Variants in UBXN7 observed in about 807,000 individuals in gnomAD.
The protein encoded by UBXN7 is UBX domain protein 7.
Under a neutral mutation model 58.0 loss-of-function variants are expected in UBXN7, and 9 were observed. The observed-to-expected ratio is 0.16, with a 90% CI of 0.09 to 0.27. The LOEUF (loss-of-function observed/expected upper bound fraction) is 0.27. UBXN7 is among the 10% of genes least tolerant of loss of function. UBXN7 has a pLI of 1.00. For synonymous variants in UBXN7, 208 were observed against 205.0 expected (o/e 1.01, Z -0.12); for missense variants, 328 against 599.6 (o/e 0.55, Z 4.73).
chr3:196,431,899 G>GA, intron 1 of UBXN7: 2 of 356,660 alleles, frequency 5.6e-6, no homozygotes, highest in Non-Finnish European at 1.1e-5. Flanking sequence ...CCTGGCCGGG[G>GA]AAGAAAGGAA....
In UBXN7 at chr3:196,432,410, C is replaced by T. The variant is rs919164534; in HGVS notation, c.-11G>A. The T allele has an allele frequency of 4.2e-5, 66 of 1,583,452 alleles. No individual in the cohort carries two copies. Among genetic ancestry groups the T allele is most frequent in the Non-Finnish European group, 5.6e-5 (65 of 1,161,206 alleles). ...CCCGTGGGCAGCCATCTTACCGCCG[C>T]CGCCGCCGCCGAACAACAACACAGA... On this transcript the variant is annotated 5_prime_UTR_variant, in exon 1 of 11. Coordinates refer to ENST00000296328, the MANE Select transcript of UBXN7 (RefSeq NM_015562.2).
chr3:196,371,413 A>G (rs1190449581), intron 6 of UBXN7, among the ~76,000 whole-genome samples: 4 of 152,218 alleles, frequency 2.6e-5, no homozygotes, highest in African/African-American at 9.6e-5. Context: ...ATCTTTTTTA[A>G]TGTGGCTACT....
chr3:196,372,453 C>T (rs889835191), intron 5 of UBXN7, among the ~76,000 whole-genome samples: 2 of 150,798 alleles, frequency 1.3e-5, no homozygotes, highest in South Asian at 2.1e-4. Context: ...GTGATTCTCC[C>T]GCCGCAGCCT....
chr3:196,400,282 G>A (rs1729918526), intron 3 of UBXN7: 1 of 151,940 alleles, frequency 6.6e-6, no homozygotes. Flanking sequence ...GGGAATATTA[G>A]GGACCTGAGC....
intron 4 of UBXN7, 123 bp downstream of exon 4, chr3:196,393,431 A>G (rs1235017251): frequency 2.3e-6 from 2 of 881,514 alleles, no homozygotes; most frequent in Non-Finnish European, 3.4e-6. Flanking sequence ...CACATTCTGG[A>G]TCCATAATTT....
chr3:196,413,503 G>A (rs560154563), intron 1 of UBXN7, among the ~76,000 whole-genome samples: 7 of 152,228 alleles, frequency 4.6e-5, no homozygotes, highest in African/African-American at 1.7e-4. Context: ...CAGAACCAGG[G>A]AGGTTTTTCC....
chr3:196,409,174 ATC>A (rs1380822741), intron 1 of UBXN7, among the ~76,000 whole-genome samples: 3 of 152,048 alleles, frequency 2.0e-5, no homozygotes, highest in Admixed American at 1.3e-4. Context: ...AGCTGTGCCA[ATC>A]TGTTTCTTCA....
intron 5 of UBXN7, among the ~76,000 whole-genome samples, chr3:196,378,540 C>T (rs916125551): frequency 6.6e-6 from 1 of 152,196 alleles, no homozygotes; most frequent in African/African-American, 2.4e-5. Context: ...ATGTTTATTT[C>T]TTGCTTATAT....
In UBXN7 at chr3:196,417,318, TAAATAAATAAATC is replaced by T. The variant is rs556093348; in HGVS notation, c.74-9938_74-9926del. Among the ~76,000 whole-genome samples the T allele has an allele frequency of 2.5e-3, 386 of 152,038 alleles. 1 individual carries two copies. Among genetic ancestry groups the T allele is most frequent in the Non-Finnish European group, 4.2e-3 (284 of 67,964 alleles). ...CAGAGCGAGACTCCATCTCGAAAAC[TAAATAAATAAATC>T]AAATAAATAAATAAATGTATAAAAA... On this transcript the variant is annotated intron_variant, in intron 1 of 10. Coordinates refer to ENST00000296328, the MANE Select transcript of UBXN7 (RefSeq NM_015562.2).
Position 196,369,425 on chromosome 3 carries a change from C to A in UBXN7, c.702G>T (p.Arg234=). ...GCGTGCTGATATAAATCTTACCTGTCCGTGGGTCCAATATGGAAACATAGG... is the reference window on the plus strand; with the variant it reads ...GCGTGCTGATATAAATCTTACCTGTACGTGGGTCCAATATGGAAACATAGG... ...DFPYVSILDP[R]TGQKLVEWHQ... Residue 234 remains arginine (R), a synonymous_variant, in exon 7 of 11, where the codon CGG becomes CGT. Transcript: ENST00000296328. The A allele has an allele frequency of 6.2e-7, 1 of 1,610,300 alleles. No homozygotes were observed. The highest frequency in any genetic ancestry group is 8.5e-7 in the Non-Finnish European group (1 of 1,177,224).
chr3:196,419,140 G>A (rs1253093530), intron 1 of UBXN7, among the ~76,000 whole-genome samples: 3 of 152,066 alleles, frequency 2.0e-5, no homozygotes, highest in Non-Finnish European at 2.9e-5. Context: ...GGTGGCGGGC[G>A]TCCACCTACT....
intron 3 of UBXN7, among the ~76,000 whole-genome samples, chr3:196,401,401 TAA>T (rs1729979554): frequency 6.8e-6 from 1 of 148,052 alleles, no homozygotes; most frequent in Non-Finnish European, 1.5e-5. Context: ...AACTCTCAAC[TAA>T]AGTACTTTAT....
chr3:196,415,652 C>T (rs915625275), intron 1 of UBXN7, among the ~76,000 whole-genome samples: 5 of 151,602 alleles, frequency 3.3e-5, no homozygotes, highest in South Asian at 2.1e-4. Flanking sequence ...CATGGTGGCG[C>T]GTGCCTGTAA....
At chr3:196,377,557 G>A (rs2108837293) in intron 5 of UBXN7, among the ~76,000 whole-genome samples, 1 of 152,240 alleles carries the variant, frequency 6.6e-6, no homozygotes, top group South Asian at 2.1e-4. Flanking sequence ...ACATCTACTT[G>A]CAAAGGACAC....
chr3:196,348,062 G>A lies in UBXN7; in HGVS notation c.*8623C>T, dbSNP rs1728126959. The A allele has an allele frequency of 6.6e-6, 1 of 152,150 alleles. No individual in the cohort carries two copies. Among genetic ancestry groups the A allele is most frequent in the South Asian group, 2.1e-4 (1 of 4,820 alleles). 9.4% of individuals were successfully genotyped at this position (152,150 alleles called of 1,614,324 possible). On this transcript the variant is annotated 3_prime_UTR_variant, in exon 11 of 11. Coordinates refer to ENST00000296328, the MANE Select transcript of UBXN7 (RefSeq NM_015562.2). ...TAAGATTTCCCTGGTTTTAGAGCAA[G>A]TGGAAGTTCCATTGAGTCTTAGCCA...
chr3:196,371,792 T>G (rs1728840229), intron 6 of UBXN7, 104 bp downstream of exon 6: 2 of 1,423,300 alleles, frequency 1.4e-6, no homozygotes, highest in African/African-American at 1.4e-5. Context: ...CGGCTTTACC[T>G]TTTTTTAAAT....
In UBXN7 at chr3:196,405,160, TAAAA is replaced by T. The variant is rs374357551; in HGVS notation, c.221+2082_221+2085del. Reference sequence around the variant, plus strand: ...GAGTTACAGAGCAAGACTGTGTTTTTAAAAAAAGAGTTAATTATCTTAAGAAAAC... The same window carrying T: ...GAGTTACAGAGCAAGACTGTGTTTTTAAAGAGTTAATTATCTTAAGAAAAC... On this transcript the variant is annotated intron_variant, in intron 2 of 10. Coordinates refer to ENST00000296328, the MANE Select transcript of UBXN7 (RefSeq NM_015562.2). 8.6e-3 allele frequency among the ~76,000 whole-genome samples: 1,306 copies of T among 151,796 alleles called. 9 individuals are homozygous for T. The highest frequency in any genetic ancestry group is 0.043 in the South Asian group (205 of 4,796).
chr3:196,424,410 T>C lies in UBXN7; in HGVS notation c.73+7917A>G, dbSNP rs9845963. Among the ~76,000 whole-genome samples the C allele has an allele frequency of 4.5e-4, 61 of 135,556 alleles. No individual in the cohort carries two copies. In the East Asian group the frequency reaches 0.01, roughly 23 times the overall value. The allele number at this position is 135,556 out of a possible 152,430, so 88.9% of individuals were successfully genotyped here. ...TTTTTTTTTTTTTTTTTTTTTTTTTTAAGAGACAAGGTCTCTCTCTGTCAC... is the reference window on the plus strand; with the variant it reads ...TTTTTTTTTTTTTTTTTTTTTTTTTCAAGAGACAAGGTCTCTCTCTGTCAC... On this transcript the variant is annotated intron_variant, in intron 1 of 10. Transcript: ENST00000296328.
intron 3 of UBXN7, chr3:196,400,735 G>A (rs1371053145): frequency 5.3e-6 from 2 of 375,050 alleles, no homozygotes; most frequent in South Asian, 2.0e-5. Flanking sequence ...CTCCATTTCT[G>A]CAAAACAAAA....
Sources: gnomAD v4.1 joint callset for allele counts (sites outside exome capture counted in the v4.1 genomes callset) on GRCh38, gnomAD v4.1.1 for gene constraint, MANE v1.5 for transcripts, NCBI Gene and HGNC (gene_info 2026-07-23, HGNC 2026-07-21) for gene names.